Variants in MAP3K1 observed in about 807,000 individuals in gnomAD.
MAP3K1 encodes MAP/ERK kinase kinase 1.
MAP3K1 carries 36 observed loss-of-function variants against 144.2 expected under a neutral mutation model. The observed-to-expected ratio is 0.25, with a 90% confidence interval of 0.19 to 0.33. MAP3K1 has a LOEUF of 0.33. Ranked by LOEUF, MAP3K1 falls within the 10% of genes least tolerant of loss-of-function variation. The pLI is 1.00. For missense variants in MAP3K1, 1,650 were observed against 1,881.9 expected (o/e 0.88, Z 2.28); for synonymous variants, 718 against 688.7 (o/e 1.04, Z -0.67).
chr5:56,881,950 C>A lies in MAP3K1; in HGVS notation c.2750C>A (p.Ala917Asp). ...HLEKTGKGLC[A>D]TKLSASSEDI... Reference sequence around the variant, plus strand: ...GAGAAAACTGGAAAAGGATTATGTGCTACAAAATTGAGTGCCAGTTCAGAG... The same window carrying A: ...GAGAAAACTGGAAAAGGATTATGTGATACAAAATTGAGTGCCAGTTCAGAG... The change falls in exon 14 of 20, where the codon GCT becomes GAT. Residue 917 changes from alanine to aspartate, a missense_variant. Physicochemically the swap from Ala to Asp is moderately radical, Grantham distance 126 (BLOSUM62 -2). Transcript: ENST00000399503. 6.2e-7 allele frequency: 1 copy of A among 1,614,056 alleles called. No individual in the cohort carries two copies. The highest frequency in any genetic ancestry group is 8.5e-7 in the Non-Finnish European group (1 of 1,180,006).
chr5:56,873,839 A>G (rs1021891360), intron 9 of MAP3K1, among the ~76,000 whole-genome samples: 1 of 152,138 alleles, frequency 6.6e-6, no homozygotes. Flanking sequence ...CAACCCATTT[A>G]TGAATCTAAT....
At chr5:56,848,038 C>G (rs1431766746) in intron 1 of MAP3K1, among the ~76,000 whole-genome samples, 1 of 151,932 alleles carries the variant, frequency 6.6e-6, no homozygotes, top group East Asian at 1.9e-4. Context: ...TTTTGATTCA[C>G]TTTTCTTCTC....
chr5:56,848,703 A>T (rs911897299), intron 1 of MAP3K1, among the ~76,000 whole-genome samples: 11 of 152,140 alleles, frequency 7.2e-5, no homozygotes, highest in African/African-American at 2.4e-5. Context: ...GAATACTTTT[A>T]ATTTTAAAAC....
chr5:56,854,432 C>CAAAAAAAAAAAAAAAAAAAAA (rs10647091), intron 1 of MAP3K1, among the ~76,000 whole-genome samples: 5 of 85,294 alleles, frequency 5.9e-5, no homozygotes, highest in East Asian at 3.2e-4. Context: ...AACTCCATCT[C>CAAAAAAAAAAAAAAAAAAAAA]AAAAAAAAAA....
Position 56,841,614 on chromosome 5 carries a change from G to A in MAP3K1, c.483-14986G>A, listed in dbSNP as rs368535710. Among the ~76,000 whole-genome samples, 8 of 152,338 alleles carry A rather than the reference G, an allele frequency of 5.3e-5. No homozygotes were observed. In the East Asian group the frequency reaches 7.7e-4, roughly 15 times the overall value. On this transcript the variant is annotated intron_variant, in intron 1 of 19. Coordinates refer to ENST00000399503, the MANE Select transcript of MAP3K1 (RefSeq NM_005921.2). ...TACTCTCCAGATTTAACGATTAAAAGGAATTTGTGGTCCTATTGAGCTTTC... is the reference window on the plus strand; with the variant it reads ...TACTCTCCAGATTTAACGATTAAAAAGAATTTGTGGTCCTATTGAGCTTTC...
At chr5:56,868,856 C>G (rs1747763596) in intron 6 of MAP3K1, among the ~76,000 whole-genome samples, 1 of 151,922 alleles carries the variant, frequency 6.6e-6, no homozygotes, top group Admixed American at 6.5e-5. Flanking sequence ...GTGGTATATA[C>G]ACATAGTGGA....
chr5:56,867,421 G>A, intron 6 of MAP3K1, among the ~76,000 whole-genome samples: 1 of 151,634 alleles, frequency 6.6e-6, no homozygotes, highest in East Asian at 1.9e-4. Context: ...AATTTTAAAT[G>A]TTATGCCCAA....
At chr5:56,877,287 GT>G (rs1179300298) in intron 10 of MAP3K1, among the ~76,000 whole-genome samples, 1 of 152,218 alleles carries the variant, frequency 6.6e-6, no homozygotes, top group Admixed American at 6.5e-5. Flanking sequence ...CCTTTGCTGT[GT>G]TACTCTTTTT....
At chr5:56,870,225 C>A (rs780266516) in intron 6 of MAP3K1, among the ~76,000 whole-genome samples, 1 of 152,146 alleles carries the variant, frequency 6.6e-6, no homozygotes, top group Non-Finnish European at 1.5e-5. Flanking sequence ...TTAGCAGACT[C>A]TGAAATTTAT....
At chr5:56,859,610 T>C in intron 2 of MAP3K1, 105 bp from the exon 3 acceptor site, 1 of 794,662 alleles carries the variant, frequency 1.3e-6, no homozygotes, top group Non-Finnish European at 2.1e-6. Flanking sequence ...TGGTATAATA[T>C]TTCATAACAA....
intron 7 of MAP3K1, 53 bp from the exon 8 acceptor site, chr5:56,872,584 TAAAA>T (rs1747887828): frequency 1.0e-6 from 1 of 996,350 alleles, no homozygotes; most frequent in African/African-American, 1.6e-5. Context: ...AGTTATGAAA[TAAAA>T]ATAATGTTAA....
chr5:56,872,520 A>G lies in MAP3K1; in HGVS notation c.1424-121A>G, dbSNP rs1747885793. ...TGTGTTTACTTGCTTTCAGATAAACATTTAATTAGATTATTTTTGAGGTTC... is the reference window on the plus strand; with the variant it reads ...TGTGTTTACTTGCTTTCAGATAAACGTTTAATTAGATTATTTTTGAGGTTC... On this transcript the variant is annotated intron_variant, in intron 7 of 19. Coordinates refer to ENST00000399503, the MANE Select transcript of MAP3K1 (RefSeq NM_005921.2). 4.6e-5 allele frequency: 32 copies of G among 691,876 alleles called. No homozygotes were observed. In the South Asian group the frequency reaches 5.7e-4, roughly 12 times the overall value. 42.9% of individuals were successfully genotyped at this position (691,876 alleles called of 1,614,324 possible).
rs934093196 is a variant in MAP3K1, at chr5:56,859,627, A to G, written c.634-88A>G. 7.5e-6 allele frequency: 7 copies of G among 931,454 alleles called. No homozygotes were observed. The African/African-American group carries it at 1.2e-4, about 15-fold the overall frequency. The allele number at this position is 931,454 out of a possible 1,614,324, so 57.7% of individuals were successfully genotyped here. ...GTATAATATTTCATAACAAAAACTC[A>G]TTAAGTGTATTTCCTAGTCTATGAT... On this transcript the variant is annotated intron_variant, in intron 2 of 19. Coordinates refer to ENST00000399503, the MANE Select transcript of MAP3K1 (RefSeq NM_005921.2).
intron 1 of MAP3K1, among the ~76,000 whole-genome samples, chr5:56,855,270 A>G (rs1009273245): frequency 2.6e-5 from 4 of 152,118 alleles, no homozygotes; most frequent in Non-Finnish European, 5.9e-5. Context: ...GCAGCCAAGC[A>G]CATATAAGTA....
In MAP3K1 at chr5:56,865,916, C is replaced by T. The variant is rs750675091; in HGVS notation, c.1240C>T (p.Arg414Cys). 2.5e-6 allele frequency: 4 copies of T among 1,612,872 alleles called. No individual in the cohort carries two copies. The highest frequency in any genetic ancestry group is 3.4e-6 in the Non-Finnish European group (4 of 1,178,924). ...TAACACCATCCAGAAGTTTGTTTCA[C>T]GCATGTCAAATTCTCATACATTGTC... ...SRNTIQKFVS[R>C]MSNSHTLSSS... Residue 414 changes from arginine to cysteine, a missense_variant, in exon 6 of 20, where the codon CGC (arginine) becomes TGC (cysteine). Transcript: ENST00000399503.
intron 1 of MAP3K1, among the ~76,000 whole-genome samples, chr5:56,818,874 C>CA: frequency 6.6e-6 from 1 of 152,154 alleles, no homozygotes; most frequent in East Asian, 1.9e-4. Flanking sequence ...TTTATATCCT[C>CA]ATATAGCCCT....
rs932584294 is a variant in MAP3K1 at position 56,894,144 on chromosome 5, A to G, written c.*464A>G. 1 of 305,906 alleles carries G rather than the reference A, an allele frequency of 3.3e-6. No homozygotes were observed. The highest frequency in any genetic ancestry group is 2.1e-5 in the African/African-American group (1 of 47,684). The allele number at this position is 305,906 out of a possible 1,614,324, so 18.9% of individuals were successfully genotyped here. On this transcript the variant is annotated 3_prime_UTR_variant, in exon 20 of 20. Coordinates refer to ENST00000399503, the MANE Select transcript of MAP3K1 (RefSeq NM_005921.2). ...AATCAGTATCTGCCTCTTTTAGGTC[A>G]GAGTATGCTATGAGTAGCAATACAT...
intron 19 of MAP3K1, among the ~76,000 whole-genome samples, chr5:56,893,287 TAAGG>T (rs1479688922): frequency 6.6e-6 from 1 of 152,200 alleles, no homozygotes; most frequent in East Asian, 1.9e-4. Flanking sequence ...ATGTAAATAA[TAAGG>T]AATAGGATAT....
At chr5:56,854,432 C>CAAAAAAAAAAAAAAAAAAAAAA (rs10647091) in intron 1 of MAP3K1, among the ~76,000 whole-genome samples, 1 of 85,324 alleles carries the variant, frequency 1.2e-5, no homozygotes. Context: ...AACTCCATCT[C>CAAAAAAAAAAAAAAAAAAAAAA]AAAAAAAAAA....
Sources: gnomAD v4.1 joint callset for allele counts (sites outside exome capture counted in the v4.1 genomes callset) on GRCh38, gnomAD v4.1.1 for gene constraint, MANE v1.5 for transcripts, NCBI Gene and HGNC (gene_info 2026-07-23, HGNC 2026-07-21) for gene names.